The following SPIRE1 variants were observed in gnomAD, a reference collection of about 807,000 sequenced individuals.
The protein encoded by SPIRE1 is protein spire homolog 1.
A neutral mutation model predicts 94.1 loss-of-function variants in SPIRE1; 40 were observed. The ratio of observed to expected loss-of-function variants is 0.43; its 90% CI spans 0.33 to 0.55. The LOEUF is 0.55. Among genes scored for constraint, SPIRE1 ranks in the 20% least tolerant of loss-of-function variants. The pLI is 0.06. For synonymous variants in SPIRE1, 376 were observed against 371.7 expected, an observed-to-expected ratio of 1.01 and a Z score of -0.13; for missense variants, 838 against 975.2, an observed-to-expected ratio of 0.86 and a Z score of 1.87.
chr18:12,619,032 C>G (rs1181855396), intron 2 of SPIRE1, among the ~76,000 whole-genome samples: 4 of 151,818 alleles, frequency 2.6e-5, no homozygotes, highest in African/African-American at 9.7e-5. Flanking sequence ...TTACAGGCAC[C>G]CGCCACCACG....
intron 2 of SPIRE1, among the ~76,000 whole-genome samples, chr18:12,614,682 G>A (rs1262898605): frequency 6.6e-6 from 1 of 151,842 alleles, no homozygotes; most frequent in Admixed American, 6.6e-5. Flanking sequence ...GCCGGGCACG[G>A]TCACGGGCGC....
At chr18:12,465,639 A>G (rs1598897071) in intron 10 of SPIRE1, among the ~76,000 whole-genome samples, 1 of 152,202 alleles carries the variant, frequency 6.6e-6, no homozygotes, top group African/African-American at 2.4e-5. Flanking sequence ...CAAGTAATAC[A>G]TTGTCAGCCT....
At chr18:12,654,950 CT>C (rs1183628889) in intron 1 of SPIRE1, among the ~76,000 whole-genome samples, 3 of 151,772 alleles carry the variant, frequency 2.0e-5, no homozygotes, top group Non-Finnish European at 4.4e-5. Flanking sequence ...ATCACTTGAA[CT>C]CAGGAGGCAG....
At chr18:12,580,687 C>T (rs1290614353) in intron 2 of SPIRE1, among the ~76,000 whole-genome samples, 2 of 152,158 alleles carry the variant, frequency 1.3e-5, no homozygotes, top group African/African-American at 4.8e-5. Flanking sequence ...AAACACTTCA[C>T]TGCTTTTTAA....
chr18:12,464,965 A>C lies in SPIRE1; in HGVS notation c.1405-7T>G. ...ACTTGTGCAGCGTTTCTTCCTGAGC[A>C]AAGTACAGGTGGAGAAATCGACTTC... On this transcript the variant is annotated splice_region_variant and splice_polypyrimidine_tract_variant and intron_variant, in intron 10 of 16. Coordinates refer to ENST00000409402, the MANE Select transcript of SPIRE1 (RefSeq NM_001128626.2). The C allele has an allele frequency of 6.2e-7, 1 of 1,613,338 alleles. No individual in the cohort carries two copies. Among genetic ancestry groups the C allele is most frequent in the African/African-American group, 1.3e-5 (1 of 74,992 alleles).
intron 4 of SPIRE1, among the ~76,000 whole-genome samples, chr18:12,514,945 T>C (rs1218043979): frequency 3.9e-5 from 6 of 152,178 alleles, no homozygotes; most frequent in African/African-American, 1.2e-4. Context: ...ATAAGCTGGT[T>C]TGGAACCTTA....
Position 12,525,296 on chromosome 18 carries a change from A to AAAAAT in SPIRE1, c.729+10179_729+10180insATTTT, listed in dbSNP as rs1555619713. 6.3e-3 allele frequency among the ~76,000 whole-genome samples: 754 copies of AAAAAT among 120,032 alleles called. 19 individuals carry two copies. Among genetic ancestry groups the AAAAAT allele is most frequent in the African/African-American group, 0.024 (715 of 29,974 alleles). The allele number at this position is 120,032 out of a possible 152,430, so 78.7% of individuals were successfully genotyped here. On this transcript the variant is annotated intron_variant, in intron 4 of 16. Coordinates refer to ENST00000409402, the MANE Select transcript of SPIRE1 (RefSeq NM_001128626.2). ...CGTCTCAAAAAAAAAAAAAAAAAAA[A>AAAAAT]AATAATAATAATAATAATAATAACA...
rs754100028 is a variant in SPIRE1 at position 12,479,827 on chromosome 18, T to C, written c.1276A>G (p.Met426Val). Residue 426 changes from methionine to valine, a missense_variant, in exon 10 of 17, where the codon ATG (methionine) becomes GTG (valine). Met to Val is a conservative substitution (Grantham distance 21). Transcript: ENST00000409402. Reference protein sequence around the residue: ...ESTKNLVESSMVNGGLTSQTK... With the variant: ...ESTKNLVESSVVNGGLTSQTK... ...TGTGATGTCAAACCTCCATTCACCA[T>C]AGATGACTCCACAAGATTCTTTGTA... 5.6e-6 allele frequency: 9 copies of C among 1,614,050 alleles called. No homozygotes were observed. Among genetic ancestry groups the C allele is most frequent in the African/African-American group, 1.3e-5 (1 of 74,928 alleles).
chr18:12,580,315 TTC>T (rs936037654), intron 2 of SPIRE1, among the ~76,000 whole-genome samples: 1 of 151,778 alleles, frequency 6.6e-6, no homozygotes, highest in Non-Finnish European at 1.5e-5. Flanking sequence ...TAATAATGTG[TTC>T]TCTCTCTCTC....
intron 3 of SPIRE1, among the ~76,000 whole-genome samples, chr18:12,540,363 C>A (rs1225802396): frequency 6.6e-6 from 1 of 152,080 alleles, no homozygotes; most frequent in Non-Finnish European, 1.5e-5. Flanking sequence ...ATGAACTACC[C>A]CCCTCTAATT....
intron 6 of SPIRE1, among the ~76,000 whole-genome samples, chr18:12,500,657 T>C (rs1478316396): frequency 3.3e-5 from 5 of 152,124 alleles, no homozygotes. Context: ...CAAAAATGCG[T>C]ACACTACTAT....
At chr18:12,578,955 A>C (rs911356387) in intron 2 of SPIRE1, among the ~76,000 whole-genome samples, 1 of 152,150 alleles carries the variant, frequency 6.6e-6, no homozygotes, top group African/African-American at 2.4e-5. Flanking sequence ...TTGCAGCAAT[A>C]ATCAGCTACC....
At chr18:12,500,809 A>G (rs2033629416) in intron 6 of SPIRE1, among the ~76,000 whole-genome samples, 1 of 152,178 alleles carries the variant, frequency 6.6e-6, no homozygotes, top group Non-Finnish European at 1.5e-5. Context: ...ACAGTGGCTC[A>G]CGCCTGTAAT....
chr18:12,624,181 CA>C (rs1180740991), intron 2 of SPIRE1, among the ~76,000 whole-genome samples: 1 of 151,882 alleles, frequency 6.6e-6, no homozygotes, highest in Non-Finnish European at 1.5e-5. Context: ...CTCGGCCTCC[CA>C]AAGTGTTGGG....
intron 5 of SPIRE1, 46 bp downstream of exon 5, chr18:12,512,408 T>G: frequency 3.0e-6 from 4 of 1,345,330 alleles, no homozygotes; most frequent in Non-Finnish European, 4.2e-6. Context: ...AAAATTATAC[T>G]ATTTCTTAGA....
intron 2 of SPIRE1, among the ~76,000 whole-genome samples, chr18:12,614,726 G>A (rs776510488): frequency 5.3e-5 from 8 of 152,140 alleles, no homozygotes; most frequent in Non-Finnish European, 8.8e-5. Context: ...GCTGAGGCAG[G>A]AGAATCACTT....
At chr18:12,654,744 G>A (rs139910844) in intron 1 of SPIRE1, among the ~76,000 whole-genome samples, 30 of 149,030 alleles carry the variant, frequency 2.0e-4, no homozygotes, top group African/African-American at 6.9e-4. Context: ...AAACTGAAAC[G>A]AGAAGTCAGG....
At chr18:12,553,346 C>T (rs550012588) in intron 2 of SPIRE1, among the ~76,000 whole-genome samples, 1 of 152,264 alleles carries the variant, frequency 6.6e-6, no homozygotes, top group East Asian at 1.9e-4. Context: ...GGGGAGCCCA[C>T]TGCCCTGAAG....
intron 2 of SPIRE1, among the ~76,000 whole-genome samples, chr18:12,565,307 TC>T (rs2035790379): frequency 1.3e-5 from 2 of 152,300 alleles, no homozygotes; most frequent in South Asian, 4.1e-4. Context: ...AAAACCTGCA[TC>T]AACCTAGAGT....
Sources: allele counts gnomAD v4.1 joint callset (sites outside exome capture counted in the v4.1 genomes callset), GRCh38; gene constraint gnomAD v4.1.1; transcripts MANE v1.5; gene names NCBI Gene and HGNC (gene_info 2026-07-23, HGNC 2026-07-21).